Variants in ZEB2 observed in about 807,000 individuals in gnomAD.
The protein encoded by ZEB2 is zinc finger E-box-binding homeobox 2.
A neutral mutation model predicts 99.9 loss-of-function variants in ZEB2; 6 were observed. The ratio of observed to expected loss-of-function variants is 0.06; its 90% CI spans 0.03 to 0.12. The LOEUF is 0.12. Ranked by LOEUF, ZEB2 falls within the 10% of genes least tolerant of loss-of-function variation. The pLI, the probability that ZEB2 is intolerant of heterozygous loss-of-function variation, is 1.00. For missense variants in ZEB2, 969 were observed against 1,502.8 expected, an observed-to-expected ratio of 0.64 and a Z score of 5.87; for synonymous variants, 517 against 542.5, an observed-to-expected ratio of 0.95 and a Z score of 0.65.
At chr2:144,391,444 C>T (rs1229003928) in intron 9 of ZEB2, among the ~76,000 whole-genome samples, 1 of 152,206 alleles carries the variant, frequency 6.6e-6, no homozygotes, top group African/African-American at 2.4e-5. Flanking sequence ...TAATAACCTA[C>T]TTCAAGGTAG....
rs72858441 is a variant in ZEB2 at position 144,416,452 on chromosome 2, C to T, written c.403+8344G>A. On this transcript the variant is annotated intron_variant, in intron 4 of 9. Coordinates refer to ENST00000627532, the MANE Select transcript of ZEB2 (RefSeq NM_014795.4). ...CCACGCATTGTCCACAGCAATTATT[C>T]TACATGTCCATGTCTCAAGATTCCA... Among the ~76,000 whole-genome samples the T allele has an allele frequency of 6.2e-3, 952 of 152,342 alleles. 9 individuals are homozygous for T. The highest frequency in any genetic ancestry group is 0.011 in the Non-Finnish European group (749 of 68,028).
intron 4 of ZEB2, among the ~76,000 whole-genome samples, chr2:144,419,157 A>C (rs1282859796): frequency 5.9e-5 from 9 of 152,194 alleles, no homozygotes; most frequent in African/African-American, 2.2e-4. Flanking sequence ...GATAAAATTC[A>C]AGTGTAGGTA....
chr2:144,418,059 C>T (rs769067785), intron 4 of ZEB2, among the ~76,000 whole-genome samples: 8 of 152,092 alleles, frequency 5.3e-5, no homozygotes, highest in South Asian at 2.1e-4. Context: ...CATTATTATA[C>T]GTAATCATTA....
chr2:144,442,774 C>T (rs1378536112), intron 2 of ZEB2, among the ~76,000 whole-genome samples: 1 of 151,994 alleles, frequency 6.6e-6, no homozygotes, highest in Admixed American at 6.6e-5. Flanking sequence ...ATATTTTTCT[C>T]AATACTATTT....
At chr2:144,471,182 G>A (rs904193721) in intron 2 of ZEB2, among the ~76,000 whole-genome samples, 9 of 152,092 alleles carry the variant, frequency 5.9e-5, no homozygotes, top group Admixed American at 1.3e-4. Context: ...AATATTTAGC[G>A]ACAGGACATC....
intron 8 of ZEB2, 130 bp downstream of exon 8, chr2:144,398,171 A>T: frequency 8.5e-7 from 1 of 1,178,854 alleles, no homozygotes; most frequent in Non-Finnish European, 1.2e-6. Flanking sequence ...TGATGGTTTT[A>T]GGTTCATGTT....
At chr2:144,492,339 C>T (rs1050112803) in intron 2 of ZEB2, among the ~76,000 whole-genome samples, 1 of 152,122 alleles carries the variant, frequency 6.6e-6, no homozygotes, top group Admixed American at 6.5e-5. Flanking sequence ...GACTTGTTGA[C>T]GGGCAGAAGG....
chr2:144,389,572 T>A lies in ZEB2; in HGVS notation c.3524A>T (p.Asp1175Val). 1 of 1,614,122 alleles carries A rather than the reference T, an allele frequency of 6.2e-7. No homozygotes were observed. Among genetic ancestry groups the A allele is most frequent in the Non-Finnish European group, 8.5e-7 (1 of 1,180,032 alleles). Reference sequence around the variant, plus strand: ...TTCTTCATCTCGTATCGTTTCGGGATCCGTATCCATACTTTTATTTTCACT... The same window carrying A: ...TTCTTCATCTCGTATCGTTTCGGGAACCGTATCCATACTTTTATTTTCACT... Reference protein sequence around the residue: ...EESENKSMDTDPETIRDEEET... With the variant: ...EESENKSMDTVPETIRDEEET... The change falls in exon 10 of 10, where the codon GAT becomes GTT. Residue 1175 changes from aspartate (D) to valine (V), a missense_variant. Asp to Val is a radical substitution (Grantham distance 152). Transcript: ENST00000627532. The surrounding 1 kb of genome is among the most constrained non-coding windows in gnomAD (Gnocchi z 6.8).
At chr2:144,488,282 A>G (rs972394172) in intron 2 of ZEB2, among the ~76,000 whole-genome samples, 3 of 152,268 alleles carry the variant, frequency 2.0e-5, no homozygotes, top group African/African-American at 7.2e-5. Context: ...TATTAAAATT[A>G]GTCAACATGG....
At chr2:144,466,437 G>A (rs1402814999) in intron 2 of ZEB2, among the ~76,000 whole-genome samples, 1 of 152,064 alleles carries the variant, frequency 6.6e-6, no homozygotes, top group Admixed American at 6.6e-5. Flanking sequence ...TATGAAAAAC[G>A]AATACTCAAC....
intron 9 of ZEB2, among the ~76,000 whole-genome samples, chr2:144,393,621 T>C (rs1263177493): frequency 6.6e-6 from 1 of 152,176 alleles, no homozygotes; most frequent in African/African-American, 2.4e-5. Context: ...GATAGGAACA[T>C]GGACTAAATT....
chr2:144,483,689 T>C (rs896535045), intron 2 of ZEB2, among the ~76,000 whole-genome samples: 1 of 152,214 alleles, frequency 6.6e-6, no homozygotes, highest in African/African-American at 2.4e-5. Context: ...AAGAATCTAC[T>C]TTTGGATAAT....
intron 9 of ZEB2, among the ~76,000 whole-genome samples, chr2:144,393,406 C>A (rs1444876965): frequency 6.6e-6 from 1 of 152,188 alleles, no homozygotes; most frequent in Non-Finnish European, 1.5e-5. Flanking sequence ...ACAGACATCA[C>A]AAACACACTT....
At chr2:144,503,635 T>C (rs905347894) in intron 2 of ZEB2, 3 of 151,814 alleles carry the variant, frequency 2.0e-5, no homozygotes, top group Non-Finnish European at 1.5e-5. Flanking sequence ...TTTTAAGACA[T>C]CAAGGAGAAA....
intron 2 of ZEB2, among the ~76,000 whole-genome samples, chr2:144,467,609 T>C (rs1355793361): frequency 6.6e-6 from 1 of 152,174 alleles, no homozygotes; most frequent in Non-Finnish European, 1.5e-5. Context: ...ATTGCAATTA[T>C]TGACACACTC....
intron 2 of ZEB2, among the ~76,000 whole-genome samples, chr2:144,434,446 C>T (rs923401803): frequency 6.6e-6 from 1 of 152,134 alleles, no homozygotes; most frequent in Non-Finnish European, 1.5e-5. Flanking sequence ...AATACAGGCA[C>T]AGTGAGGTCA....
intron 4 of ZEB2, among the ~76,000 whole-genome samples, chr2:144,411,710 C>T (rs556497657): frequency 6.6e-6 from 1 of 152,124 alleles, no homozygotes; most frequent in Non-Finnish European, 1.5e-5. Flanking sequence ...CTCTCTCCAC[C>T]CCTGCTCTGA....
intron 2 of ZEB2, 111 bp downstream of exon 2, chr2:144,517,167 C>T (rs1217576630): frequency 3.2e-4 from 464 of 1,453,772 alleles, no homozygotes; most frequent in Non-Finnish European, 4.3e-4. Flanking sequence ...CCCTAGAGCC[C>T]TGGGCGCCGC....
At chr2:144,465,083 G>C (rs1051010218) in intron 2 of ZEB2, among the ~76,000 whole-genome samples, 10 of 152,166 alleles carry the variant, frequency 6.6e-5, no homozygotes, top group Admixed American at 3.9e-4. Context: ...GCAATGGAAA[G>C]AGTAGCTCGT....
Sources: allele counts gnomAD v4.1 joint callset (sites outside exome capture counted in the v4.1 genomes callset), GRCh38; gene constraint gnomAD v4.1.1; non-coding constraint Gnocchi (gnomAD v3.1); transcripts MANE v1.5; gene names NCBI Gene and HGNC (gene_info 2026-07-23, HGNC 2026-07-21).